The following GIPC2 variants were observed in gnomAD, a reference collection of about 807,000 sequenced individuals.
The protein encoded by GIPC2 is GIPC PDZ domain containing family member 2.
Under a neutral mutation model 30.6 loss-of-function variants are expected in GIPC2, and 30 were observed. The ratio of observed to expected loss-of-function variants is 0.98; its 90% CI spans 0.73 to 1.33. The LOEUF (loss-of-function observed/expected upper bound fraction) is 1.33, where lower values mean the gene tolerates loss of function less well. Ranked by LOEUF, GIPC2 falls within the 40% of genes most tolerant of loss-of-function variation. The probability of loss-of-function intolerance (pLI) is 0.00; values close to 1 mark genes in which losing one functional copy is unlikely to be tolerated. For synonymous variants in GIPC2, 167 were observed against 150.0 expected (o/e 1.11, Z -0.83); for missense variants, 414 against 390.3 (o/e 1.06, Z -0.51).
intron 4 of GIPC2, among the ~76,000 whole-genome samples, chr1:78,122,590 T>G (rs1662702591): frequency 6.6e-6 from 1 of 152,110 alleles, no homozygotes; most frequent in Non-Finnish European, 1.5e-5. Flanking sequence ...TGAGATCTTG[T>G]GAGAACTCCC....
At chr1:78,093,150 A>AG (rs1662070548) in intron 2 of GIPC2, among the ~76,000 whole-genome samples, 1 of 152,206 alleles carries the variant, frequency 6.6e-6, no homozygotes, top group Admixed American at 6.5e-5. Context: ...ATAAAAACTA[A>AG]GAAAAAAAAT....
At chr1:78,105,843 A>G (rs1025462267) in intron 3 of GIPC2, among the ~76,000 whole-genome samples, 1 of 152,174 alleles carries the variant, frequency 6.6e-6, no homozygotes. Flanking sequence ...TTGTCATTTA[A>G]TTATAGGAAA....
At chr1:78,086,030 A>G (rs1451907865) in intron 2 of GIPC2, among the ~76,000 whole-genome samples, 3 of 151,026 alleles carry the variant, frequency 2.0e-5, no homozygotes, top group African/African-American at 4.9e-5. Context: ...AAGGTTTGAG[A>G]TCTTTCTAAC....
intron 1 of GIPC2, among the ~76,000 whole-genome samples, chr1:78,064,742 CTTTT>C (rs11327469): frequency 9.4e-6 from 1 of 106,716 alleles, no homozygotes; most frequent in Non-Finnish European, 1.9e-5. Flanking sequence ...CTCATGCAAC[CTTTT>C]TTTTTTTTTT....
rs773420797 is a variant in GIPC2, at chr1:78,135,647, G to A, written c.852G>A (p.Val284=). The stretch of plus-strand genomic sequence containing the variant: ...AAGTAAATCCAGATGAATTTGCTGT[G>A]GCACTTGACGAAACTCTTGGAGACT... ...KDKVNPDEFA[V]ALDETLGDFA... is the part of the protein sequence containing the mutation. Residue 284 remains valine (V), a synonymous_variant, in exon 6 of 6, where the codon GTG becomes GTA. Coordinates refer to ENST00000370759, the MANE Select transcript of GIPC2 (RefSeq NM_017655.6). 2 of 1,608,916 alleles carry A rather than the reference G, an allele frequency of 1.2e-6. No individual in the cohort carries two copies. The highest frequency in any genetic ancestry group is 1.7e-6 in the Non-Finnish European group (2 of 1,176,276).
At chr1:78,083,504 T>C (rs1414153873) in intron 2 of GIPC2, among the ~76,000 whole-genome samples, 1 of 152,206 alleles carries the variant, frequency 6.6e-6, no homozygotes, top group Non-Finnish European at 1.5e-5. Flanking sequence ...TGTGGAGAGA[T>C]GCTTTGATAT....
chr1:78,120,036 C>T (rs78971918), intron 4 of GIPC2, among the ~76,000 whole-genome samples: 1,931 of 152,334 alleles, frequency 0.013, 44 homozygotes, highest in African/African-American at 0.044. Context: ...CAATCACCTT[C>T]TGTTTAGTCC....
At position 78,046,040 on chromosome 1, in the gene GIPC2, G is replaced by T. The variant is rs1661060859; in HGVS notation, c.-55G>T. 2.9e-6 allele frequency: 4 copies of T among 1,400,100 alleles called. No homozygotes were observed. Among genetic ancestry groups the T allele is most frequent in the Non-Finnish European group, 3.7e-6 (4 of 1,079,554 alleles). 86.7% of individuals were successfully genotyped at this position (1,400,100 alleles called of 1,614,324 possible). On this transcript the variant is annotated 5_prime_UTR_variant, in exon 1 of 6. Transcript: ENST00000370759. Reference sequence around the variant, plus strand: ...CGGGGCGCAAAGTCCGAGGCGCCGGGGGGAGGAGGCGGCGGACGGCAGCGC... The same window carrying T: ...CGGGGCGCAAAGTCCGAGGCGCCGGTGGGAGGAGGCGGCGGACGGCAGCGC...
chr1:78,090,294 A>C (rs1662014413), intron 2 of GIPC2, among the ~76,000 whole-genome samples: 1 of 152,180 alleles, frequency 6.6e-6, no homozygotes, highest in Non-Finnish European at 1.5e-5. Flanking sequence ...TCCTGGGTTC[A>C]AGCGATTCTC....
chr1:78,089,591 C>G (rs1471832191), intron 2 of GIPC2, among the ~76,000 whole-genome samples: 1 of 152,176 alleles, frequency 6.6e-6, no homozygotes, highest in Non-Finnish European at 1.5e-5. Flanking sequence ...AGTGATCCCT[C>G]TCTCTAGGCC....
intron 1 of GIPC2, among the ~76,000 whole-genome samples, chr1:78,075,199 G>A (rs1661694478): frequency 6.6e-6 from 1 of 152,228 alleles, no homozygotes; most frequent in South Asian, 2.1e-4. Context: ...GCTTGTGCCT[G>A]TAATCCCAGC....
intron 1 of GIPC2, among the ~76,000 whole-genome samples, chr1:78,066,504 T>C (rs906507666): frequency 6.6e-6 from 1 of 152,192 alleles, no homozygotes; most frequent in Non-Finnish European, 1.5e-5. Context: ...AAAGTAGACA[T>C]ACCATTTGAC....
chr1:78,125,881 C>A lies in GIPC2; in HGVS notation c.715C>A (p.Pro239Thr). 5 of 1,534,284 alleles carry A rather than the reference C, an allele frequency of 3.3e-6. No homozygotes were observed. Among genetic ancestry groups the A allele is most frequent in the Non-Finnish European group, 4.5e-6 (5 of 1,108,004 alleles). The part of the protein sequence containing the change: ...SKGPATVEEM[P>T]SETKAKAIEK... The stretch of plus-strand genomic sequence containing the variant: ...CTTATTTCTCTCTTTTTTGATAAAG[C>A]CTTCTGAAACCAAAGCAAAGGCAAT... Residue 239 changes from proline (P) to threonine (T), a missense_variant and splice_region_variant, in exon 5 of 6, where the codon CCT becomes ACT. Pro to Thr is a conservative substitution (Grantham distance 38). Coordinates refer to ENST00000370759, the MANE Select transcript of GIPC2 (RefSeq NM_017655.6).
chr1:78,058,351 G>A (rs1661333430), intron 1 of GIPC2, among the ~76,000 whole-genome samples: 1 of 152,102 alleles, frequency 6.6e-6, no homozygotes, highest in Non-Finnish European at 1.5e-5. Context: ...TTGTAGAGTT[G>A]GAAGAGTCTT....
At chr1:78,100,333 C>A (rs1445722138) in intron 3 of GIPC2, among the ~76,000 whole-genome samples, 1 of 152,106 alleles carries the variant, frequency 6.6e-6, no homozygotes, top group Admixed American at 6.5e-5. Context: ...AATAGGTAAG[C>A]CCTGTAAGTC....
chr1:78,134,628 A>T (rs1326644504), intron 5 of GIPC2, among the ~76,000 whole-genome samples: 2 of 151,940 alleles, frequency 1.3e-5, no homozygotes, highest in African/African-American at 4.8e-5. Flanking sequence ...TTTTCTTCCT[A>T]GCCTGCCTTG....
intron 1 of GIPC2, among the ~76,000 whole-genome samples, chr1:78,056,195 G>T (rs1425927405): frequency 6.6e-6 from 1 of 152,176 alleles, no homozygotes; most frequent in Non-Finnish European, 1.5e-5. Flanking sequence ...TAAAACTTAT[G>T]GCTGGGCATG....
intron 3 of GIPC2, among the ~76,000 whole-genome samples, chr1:78,096,491 GTTT>G (rs200429118): frequency 6.4e-4 from 87 of 135,546 alleles, no homozygotes; most frequent in Admixed American, 1.8e-3. Flanking sequence ...AAATTTTTCT[GTTT>G]TTTTTTTTTT....
intron 1 of GIPC2, among the ~76,000 whole-genome samples, chr1:78,051,138 A>G (rs1661190337): frequency 6.6e-6 from 1 of 152,142 alleles, no homozygotes; most frequent in Non-Finnish European, 1.5e-5. Flanking sequence ...AAAGACGTAT[A>G]ATAAAAAAAA....
Sources: gnomAD v4.1 joint callset for allele counts (sites outside exome capture counted in the v4.1 genomes callset) on GRCh38, gnomAD v4.1.1 for gene constraint, MANE v1.5 for transcripts, NCBI Gene and HGNC (gene_info 2026-07-23, HGNC 2026-07-21) for gene names.